Variants in CFAP90 observed in about 807,000 individuals in gnomAD.
The protein encoded by CFAP90 is cilia- and flagella-associated protein 90.
chr5:7,850,987 G>C, the CFAP90 span: 1 of 1,292,350 alleles, frequency 7.7e-7, no homozygotes, highest in Non-Finnish European at 9.8e-7. Context: ...GCCCCGCAGC[G>C]TGGACGCGGT....
At chr5:7,844,475 T>C in the CFAP90 span, among the ~76,000 whole-genome samples, 1 of 152,232 alleles carries the variant, frequency 6.6e-6, no homozygotes, top group African/African-American at 2.4e-5. Flanking sequence ...AGGCACTCTT[T>C]TGATTGCTGA....
the CFAP90 span, chr5:7,851,043 C>T: frequency 8.1e-7 from 1 of 1,238,230 alleles, no homozygotes; most frequent in Non-Finnish European, 1.0e-6. Flanking sequence ...CCAGCGCCCC[C>T]GCCTTGGCCG....
the CFAP90 span, chr5:7,830,580 C>G: frequency 6.6e-6 from 1 of 152,084 alleles, no homozygotes; most frequent in African/African-American, 2.4e-5. Flanking sequence ...TAAAAGACAC[C>G]TACACTGAAA....
the CFAP90 span, among the ~76,000 whole-genome samples, chr5:7,850,296 C>T: frequency 6.6e-6 from 1 of 152,152 alleles, no homozygotes; most frequent in South Asian, 2.1e-4. Flanking sequence ...CCACCCGGCC[C>T]CCTCCACAGG....
the CFAP90 span, among the ~76,000 whole-genome samples, chr5:7,845,674 T>TTGAA: frequency 7.2e-5 from 11 of 152,174 alleles, no homozygotes; most frequent in Non-Finnish European, 1.5e-5. Flanking sequence ...AAAAAAGTAA[T>TTGAA]TGAAGAACAC....
At chr5:7,839,706 C>T in the CFAP90 span, among the ~76,000 whole-genome samples, 1 of 152,170 alleles carries the variant, frequency 6.6e-6, no homozygotes, top group Non-Finnish European at 1.5e-5. Context: ...TGCCAACAGT[C>T]TTCTACATCT....
the CFAP90 span, among the ~76,000 whole-genome samples, chr5:7,847,987 A>G: frequency 6.6e-6 from 1 of 152,208 alleles, no homozygotes; most frequent in South Asian, 2.1e-4. Context: ...CTTTCAACAT[A>G]ACAGCATAGA....
the CFAP90 span, among the ~76,000 whole-genome samples, chr5:7,842,331 A>C: frequency 6.6e-6 from 1 of 151,308 alleles, no homozygotes; most frequent in Non-Finnish European, 1.5e-5. Flanking sequence ...AAAAAACAAC[A>C]GAAAAAAATT....
the CFAP90 span, among the ~76,000 whole-genome samples, chr5:7,849,106 C>A: frequency 2.0e-5 from 3 of 152,196 alleles, no homozygotes; most frequent in Non-Finnish European, 1.5e-5. Context: ...CTGTAAAATT[C>A]TATTTCCAAA....
At chr5:7,848,536 G>A in the CFAP90 span, among the ~76,000 whole-genome samples, 1 of 152,192 alleles carries the variant, frequency 6.6e-6, no homozygotes, top group African/African-American at 2.4e-5. Flanking sequence ...CAAGCAGTTG[G>A]CTGTGAAGGA....
chr5:7,848,875 A>G, the CFAP90 span, among the ~76,000 whole-genome samples: 85,053 of 152,038 alleles, frequency 0.56, 24,733 homozygotes, highest in African/African-American at 0.7. Context: ...TGCCATGATT[A>G]TAAGTTTCCT....
At chr5:7,837,972 T>C in the CFAP90 span, among the ~76,000 whole-genome samples, 117,885 of 152,082 alleles carry the variant, frequency 0.78, 46,310 homozygotes, top group African/African-American at 0.86. Flanking sequence ...CATCTCTTAT[T>C]ATTGTCTTCA....
chr5:7,847,342 C>T, the CFAP90 span, among the ~76,000 whole-genome samples: 2 of 152,166 alleles, frequency 1.3e-5, no homozygotes, highest in East Asian at 3.9e-4. Flanking sequence ...ACCTCAGTTA[C>T]CCAAACTGCA....
At chr5:7,850,849 C>T in the CFAP90 span, 1 of 1,283,016 alleles carries the variant, frequency 7.8e-7, no homozygotes. Flanking sequence ...GCCTTCCGGT[C>T]TCCGCGCCCA....
At chr5:7,834,459 A>G in the CFAP90 span, among the ~76,000 whole-genome samples, 1 of 152,204 alleles carries the variant, frequency 6.6e-6, no homozygotes, top group Non-Finnish European at 1.5e-5. Flanking sequence ...ACAGTAAGCT[A>G]AGGTTCATTT....
At chr5:7,850,936 C>A in the CFAP90 span, 1 of 1,353,528 alleles carries the variant, frequency 7.4e-7, no homozygotes, top group Non-Finnish European at 9.5e-7. Context: ...CGGGATGTAG[C>A]TGAAGGCGGA....
chr5:7,838,617 C>T, the CFAP90 span, among the ~76,000 whole-genome samples: 2 of 152,214 alleles, frequency 1.3e-5, no homozygotes, highest in Admixed American at 6.5e-5. Context: ...ACCCCCATGC[C>T]ACCCCACATA....
the CFAP90 span, among the ~76,000 whole-genome samples, chr5:7,843,959 A>G: frequency 6.6e-6 from 1 of 152,170 alleles, no homozygotes; most frequent in Non-Finnish European, 1.5e-5. Context: ...GACACAGAGC[A>G]CATGCTCACA....
chr5:7,833,898 G>A, the CFAP90 span, among the ~76,000 whole-genome samples: 1 of 152,036 alleles, frequency 6.6e-6, no homozygotes, highest in Admixed American at 6.5e-5. Context: ...AATGTGTTTG[G>A]GTGATGTTGG....
Sources: gnomAD v4.1 joint callset for allele counts (sites outside exome capture counted in the v4.1 genomes callset) on GRCh38, gnomAD v4.1.1 for gene constraint, MANE v1.5 for transcripts, NCBI Gene and HGNC (gene_info 2026-07-23, HGNC 2026-07-21) for gene names.